PTDSS1: variants seen among roughly 807,000 people sequenced by gnomAD.
The protein encoded by PTDSS1 is phosphatidylserine synthase 1.
PTDSS1 carries 45 observed loss-of-function variants against 70.5 expected under a neutral mutation model. The ratio of observed to expected loss-of-function variants is 0.64; its 90% confidence interval spans 0.50 to 0.82. The LOEUF is 0.82. Ranked by LOEUF, PTDSS1 falls within the 40% of genes least tolerant of loss-of-function variation. The probability of loss-of-function intolerance (pLI) is 0.00; values close to 1 mark genes in which losing one functional copy is unlikely to be tolerated. For synonymous variants in PTDSS1, 188 were observed against 203.8 expected (o/e 0.92, Z 0.66); for missense variants, 417 against 586.1 (o/e 0.71, Z 2.98).
intron 6 of PTDSS1, 71 bp from the exon 7 acceptor site, chr8:96,303,969 T>C (rs1003768732): frequency 6.8e-7 from 1 of 1,478,212 alleles, no homozygotes; most frequent in Non-Finnish European, 9.2e-7. Context: ...GTGCACAGGA[T>C]TTTTTTCTTG....
chr8:96,302,536 A>G (rs1241315874), intron 6 of PTDSS1, among the ~76,000 whole-genome samples: 6 of 152,080 alleles, frequency 3.9e-5, no homozygotes, highest in South Asian at 2.1e-4. Flanking sequence ...CACAGCTAGC[A>G]AGCAGCTGAG....
rs1811559881 is a variant in PTDSS1 at position 96,334,007 on chromosome 8, T to G, written c.*441T>G. The G allele has an allele frequency of 2.2e-6, 1 of 444,722 alleles. No individual in the cohort carries two copies. The highest frequency in any genetic ancestry group is 3.4e-5 in the East Asian group (1 of 29,646). The allele number at this position is 444,722 out of a possible 1,614,324, so 27.5% of individuals were successfully genotyped here. ...GAATCTACCTTTCCATTGATTGATT[T>G]AAGTTCAGGCCACTTTTCTGTCTTT... On this transcript the variant is annotated 3_prime_UTR_variant, in exon 13 of 13. Transcript: ENST00000517309.
rs377405245 is a variant in PTDSS1, at chr8:96,317,533, G to A, written c.1074-2713G>A. On this transcript the variant is annotated intron_variant, in intron 9 of 12. Coordinates refer to ENST00000517309, the MANE Select transcript of PTDSS1 (RefSeq NM_014754.3). ...GTGGATCACTTGAGCTCAGGAGTTC[G>A]AGACCAATCAGGGTAACACGGTAAA... 1.8e-4 allele frequency among the ~76,000 whole-genome samples: 27 copies of A among 152,114 alleles called. No homozygotes were observed. The East Asian group carries it at 4.3e-3, about 24-fold the overall frequency.
Position 96,305,749 on chromosome 8 carries a change from C to T in PTDSS1, c.895-695C>T, listed in dbSNP as rs112439047. ...AAGTTGGAGTGCAATGGCGTGATCT[C>T]GGCCCACTGCAACCTGCAACCTCTG... On this transcript the variant is annotated intron_variant, in intron 7 of 12. Coordinates refer to ENST00000517309, the MANE Select transcript of PTDSS1 (RefSeq NM_014754.3). Among the ~76,000 whole-genome samples, 368 of 152,112 alleles carry T rather than the reference C, an allele frequency of 2.4e-3. 1 individual carries two copies. Among genetic ancestry groups the T allele is most frequent in the African/African-American group, 8.1e-3 (336 of 41,490 alleles).
chr8:96,305,189 G>C (rs1190596419), intron 7 of PTDSS1, among the ~76,000 whole-genome samples: 1 of 152,226 alleles, frequency 6.6e-6, no homozygotes, highest in Non-Finnish European at 1.5e-5. Context: ...AAGGAGAGTA[G>C]TATAGTGCCG....
chr8:96,264,369 A>G lies in PTDSS1; in HGVS notation c.179+2150A>G, dbSNP rs944055977. ...TGCTTAATAAACATTAGTGGTTATT[A>G]CGATGTGATTTCATTGAATGCTACT... On this transcript the variant is annotated intron_variant, in intron 1 of 12. Coordinates refer to ENST00000517309, the MANE Select transcript of PTDSS1 (RefSeq NM_014754.3). Among the ~76,000 whole-genome samples, 7 of 152,368 alleles carry G rather than the reference A, an allele frequency of 4.6e-5. No individual in the cohort carries two copies. The East Asian group carries it at 1.2e-3, about 25-fold the overall frequency.
chr8:96,303,806 AAC>A (rs1189274357), intron 6 of PTDSS1, among the ~76,000 whole-genome samples: 1 of 152,062 alleles, frequency 6.6e-6, no homozygotes, highest in Non-Finnish European at 1.5e-5. Flanking sequence ...GCAGTGGGAG[AAC>A]AGTCTCCTTG....
intron 1 of PTDSS1, among the ~76,000 whole-genome samples, chr8:96,271,677 G>A (rs532010858): frequency 6.6e-6 from 1 of 152,274 alleles, no homozygotes; most frequent in African/African-American, 2.4e-5. Context: ...GTATGAGCAT[G>A]CCTATTTTCC....
intron 12 of PTDSS1, 75 bp downstream of exon 12, chr8:96,331,170 G>A: frequency 7.2e-7 from 1 of 1,395,798 alleles, no homozygotes; most frequent in Non-Finnish European, 1.0e-6. Flanking sequence ...TTCTTTGAGT[G>A]GAGATGATAT....
At chr8:96,329,899 A>G (rs1342650788) in intron 10 of PTDSS1, among the ~76,000 whole-genome samples, 1 of 152,222 alleles carries the variant, frequency 6.6e-6, no homozygotes, top group Admixed American at 6.5e-5. Context: ...AATCCTCTCT[A>G]TCTTCTTCAA....
intron 9 of PTDSS1, among the ~76,000 whole-genome samples, chr8:96,316,205 C>T (rs1395296954): frequency 6.6e-6 from 1 of 152,168 alleles, no homozygotes; most frequent in Non-Finnish European, 1.5e-5. Context: ...TGGATGAGTA[C>T]AGTAGCCTCC....
rs949729061 is a variant in PTDSS1 at position 96,287,104 on chromosome 8, A to G, written c.399A>G (p.Leu133=). Reference sequence around the variant, plus strand: ...AGGTTAAATCTCTAATGTATTGGCTAGATCCAAATCTTCGATACGCCACAA... The same window carrying G: ...AGGTTAAATCTCTAATGTATTGGCTGGATCCAAATCTTCGATACGCCACAA... The part of the protein sequence containing the change: ...FEQVKSLMYW[L]DPNLRYATRE... Residue 133 remains leucine (L), a synonymous_variant, in exon 4 of 13, where the codon CTA becomes CTG. Coordinates refer to ENST00000517309, the MANE Select transcript of PTDSS1 (RefSeq NM_014754.3). 2 of 1,614,064 alleles carry G rather than the reference A, an allele frequency of 1.2e-6. No individual in the cohort carries two copies. Among genetic ancestry groups the G allele is most frequent in the Admixed American group, 3.3e-5 (2 of 60,008 alleles).
At chr8:96,318,698 G>A (rs929532152) in intron 9 of PTDSS1, among the ~76,000 whole-genome samples, 8 of 152,036 alleles carry the variant, frequency 5.3e-5, no homozygotes, top group African/African-American at 1.4e-4. Context: ...GTTTTGGTTC[G>A]GGCTAGGGGA....
intron 4 of PTDSS1, among the ~76,000 whole-genome samples, chr8:96,294,618 T>C (rs1464914498): frequency 1.3e-5 from 2 of 152,226 alleles, no homozygotes; most frequent in Non-Finnish European, 2.9e-5. Flanking sequence ...TACATTTTCC[T>C]CTAAAGTTCA....
intron 9 of PTDSS1, among the ~76,000 whole-genome samples, chr8:96,317,897 G>A (rs1306414386): frequency 0.041 from 1,397 of 33,766 alleles, 21 homozygotes; most frequent in African/African-American, 0.11. Flanking sequence ...GTGTGTGTGT[G>A]TGTGTGTGTG....
In PTDSS1 at chr8:96,262,372, C is replaced by A. The variant is rs907258790; in HGVS notation, c.179+153C>A. On this transcript the variant is annotated intron_variant, in intron 1 of 12. Coordinates refer to ENST00000517309, the MANE Select transcript of PTDSS1 (RefSeq NM_014754.3). This position sits in a 1 kb window ranked among gnomAD's most constrained non-coding sequence, Gnocchi z 4.4. Reference sequence around the variant, plus strand: ...ACTGGCAGCCCGCCGCCCACGCGGCCCCTCCGCCCGCCCGGTGTCTCACAG... The same window carrying A: ...ACTGGCAGCCCGCCGCCCACGCGGCACCTCCGCCCGCCCGGTGTCTCACAG... 1.3e-5 allele frequency among the ~76,000 whole-genome samples: 2 copies of A among 152,168 alleles called. No homozygotes were observed. Among genetic ancestry groups the A allele is most frequent in the African/African-American group, 4.8e-5 (2 of 41,430 alleles).
At position 96,261,989 on chromosome 8, in the gene PTDSS1, G is replaced by A. The variant is rs921522161; in HGVS notation, c.-52G>A. 1 of 1,567,552 alleles carries A rather than the reference G, an allele frequency of 6.4e-7. No homozygotes were observed. The highest frequency in any genetic ancestry group is 1.3e-5 in the African/African-American group (1 of 74,120). ...TGTGGCTAGTCACCCCCGGGGTCCC[G>A]GCCTTCTCGGGCTGGGGCCGCCGCC... On this transcript the variant is annotated 5_prime_UTR_variant, in exon 1 of 13. Coordinates refer to ENST00000517309, the MANE Select transcript of PTDSS1 (RefSeq NM_014754.3).
chr8:96,321,597 A>G (rs62514609), intron 10 of PTDSS1, among the ~76,000 whole-genome samples: 68,942 of 152,064 alleles, frequency 0.45, 16,177 homozygotes, highest in Non-Finnish European at 0.48. Context: ...GTAATTTAAC[A>G]TATTTCTTTG....
chr8:96,283,613 T>TCACACA (rs1196978696), intron 2 of PTDSS1: 1 of 144,196 alleles, frequency 6.9e-6, no homozygotes, highest in African/African-American at 2.5e-5. Context: ...TCTCTCTCTC[T>TCACACA]CTCACACACA....
Sources: gnomAD v4.1 joint callset for allele counts (sites outside exome capture counted in the v4.1 genomes callset) on GRCh38, gnomAD v4.1.1 for gene constraint, Gnocchi (gnomAD v3.1) non-coding constraint, MANE v1.5 for transcripts, NCBI Gene and HGNC (gene_info 2026-07-23, HGNC 2026-07-21) for gene names.